SIL1: variants seen among roughly 807,000 people sequenced by gnomAD.
SIL1 encodes nucleotide exchange factor SIL1.
SIL1 carries 40 observed loss-of-function variants against 49.1 expected under a neutral mutation model. The ratio of observed to expected loss-of-function variants is 0.81; its 90% CI spans 0.63 to 1.06. The LOEUF is 1.06. SIL1 is among the 50% of genes least tolerant of loss of function. SIL1 has a pLI of 0.00. For synonymous variants in SIL1, 253 were observed against 250.8 expected, an observed-to-expected ratio of 1.01 and a Z score of -0.08; for missense variants, 500 against 572.6, an observed-to-expected ratio of 0.87 and a Z score of 1.29.
intron 7 of SIL1, among the ~76,000 whole-genome samples, chr5:138,998,851 CCTTT>C (rs1767928204): frequency 7.7e-6 from 1 of 129,088 alleles, no homozygotes; most frequent in African/African-American, 3.2e-5. Flanking sequence ...GATTATCTTT[CCTTT>C]TTTTTTTTTT....
At chr5:139,147,228 C>T (rs1000711691) in intron 1 of SIL1, among the ~76,000 whole-genome samples, 2 of 152,120 alleles carry the variant, frequency 1.3e-5, no homozygotes, top group African/African-American at 2.4e-5. Context: ...AAGGGGTTTC[C>T]AACCACTCCA....
chr5:139,006,580 GTT>G (rs1276734642), intron 7 of SIL1, among the ~76,000 whole-genome samples: 1 of 151,280 alleles, frequency 6.6e-6, no homozygotes, highest in African/African-American at 2.4e-5. Context: ...GGTTTTTATG[GTT>G]TTAGGTCTAA....
chr5:139,134,721 G>A (rs940266811), intron 1 of SIL1, among the ~76,000 whole-genome samples: 1 of 152,182 alleles, frequency 6.6e-6, no homozygotes, highest in Non-Finnish European at 1.5e-5. Flanking sequence ...GCTTTTCCTA[G>A]CATATTGGCA....
chr5:139,109,887 T>C (rs889496563), intron 3 of SIL1, among the ~76,000 whole-genome samples: 2 of 151,506 alleles, frequency 1.3e-5, no homozygotes. Flanking sequence ...CCTGAATGAC[T>C]TGGCCAGGCA....
chr5:139,053,901 T>A (rs1769347160), intron 3 of SIL1, among the ~76,000 whole-genome samples: 1 of 152,248 alleles, frequency 6.6e-6, no homozygotes, highest in Non-Finnish European at 1.5e-5. Flanking sequence ...ACATTAGTTT[T>A]TTTATTTATG....
chr5:139,195,604 G>A (rs1011303271), intron 1 of SIL1, among the ~76,000 whole-genome samples: 4 of 151,770 alleles, frequency 2.6e-5, no homozygotes, highest in Non-Finnish European at 4.4e-5. Flanking sequence ...AGCCAGGATG[G>A]TCTCGATCTC....
chr5:138,975,156 A>C (rs990379058), intron 7 of SIL1, among the ~76,000 whole-genome samples: 2 of 152,326 alleles, frequency 1.3e-5, no homozygotes, highest in African/African-American at 4.8e-5. Flanking sequence ...TTTCAAGGTA[A>C]GAAAAATGGC....
At chr5:139,190,365 C>T (rs769947862) in intron 1 of SIL1, among the ~76,000 whole-genome samples, 3 of 152,138 alleles carry the variant, frequency 2.0e-5, no homozygotes, top group Non-Finnish European at 4.4e-5. Flanking sequence ...AAACACATTT[C>T]GACATGAGTA....
intron 1 of SIL1, among the ~76,000 whole-genome samples, chr5:139,195,551 G>C (rs1249172463): frequency 1.1e-4 from 16 of 152,032 alleles, no homozygotes; most frequent in East Asian, 7.8e-4. Context: ...CCTCGCCCGG[G>C]TAATTTTTTG....
rs190102313 is a variant in SIL1 at position 138,964,276 on chromosome 5, C to T, written c.768-12392G>A. Among the ~76,000 whole-genome samples the T allele has an allele frequency of 3.8e-4, 58 of 152,274 alleles. 2 individuals carry two copies. The highest frequency in any genetic ancestry group is 7.4e-5 in the Non-Finnish European group (5 of 68,018). On this transcript the variant is annotated intron_variant, in intron 7 of 9. Transcript: ENST00000394817. ...TCAGTTAAGAATACCAGGGCTAGAG[C>T]AAAGAACGAACATAGTTCCTGTCTC...
chr5:138,996,560 G>A (rs534566283), intron 7 of SIL1, among the ~76,000 whole-genome samples: 35 of 126,278 alleles, frequency 2.8e-4, no homozygotes, highest in African/African-American at 8.2e-4. Context: ...TCACTCTGTC[G>A]CCAGGCTGGA....
intron 2 of SIL1, among the ~76,000 whole-genome samples, chr5:139,126,535 G>A (rs1750756909): frequency 1.3e-5 from 2 of 152,138 alleles, no homozygotes; most frequent in African/African-American, 4.8e-5. Flanking sequence ...GCCAACCCAT[G>A]CCAGAGACAG....
At chr5:138,985,288 T>A (rs560882223) in intron 7 of SIL1, among the ~76,000 whole-genome samples, 1 of 152,266 alleles carries the variant, frequency 6.6e-6, no homozygotes, top group East Asian at 1.9e-4. Flanking sequence ...TAGGGATGAG[T>A]GAGATCCCTT....
intron 7 of SIL1, among the ~76,000 whole-genome samples, chr5:139,010,233 C>T (rs957975944): frequency 6.7e-6 from 1 of 149,432 alleles, no homozygotes; most frequent in African/African-American, 2.5e-5. Context: ...TTACTGATAC[C>T]CTTTCTTCCA....
intron 1 of SIL1, among the ~76,000 whole-genome samples, chr5:139,190,834 C>T (rs1752154036): frequency 6.6e-6 from 1 of 152,168 alleles, no homozygotes; most frequent in Non-Finnish European, 1.5e-5. Context: ...AAAACACAAT[C>T]ATTTTAGACT....
chr5:138,979,191 A>T (rs1273029142), intron 7 of SIL1, among the ~76,000 whole-genome samples: 1 of 151,866 alleles, frequency 6.6e-6, no homozygotes, highest in Non-Finnish European at 1.5e-5. Flanking sequence ...CAGCCTCTCA[A>T]GTAGCTGGGA....
rs141866133 is a variant in SIL1 at position 139,011,799 on chromosome 5, T to C, written c.767+9372A>G. 4.3e-3 allele frequency among the ~76,000 whole-genome samples: 655 copies of C among 152,288 alleles called. 4 individuals are homozygous for C. Among genetic ancestry groups the C allele is most frequent in the Non-Finnish European group, 5.4e-3 (369 of 68,024 alleles). The stretch of plus-strand genomic sequence containing the variant: ...TGGATGTGAGTTCCTCCAAAGAGGA[T>C]TTGTTTCTGCATCTACCAGTAACCC... On this transcript the variant is annotated intron_variant, in intron 7 of 9. Transcript: ENST00000394817.
chr5:139,013,531 T>G (rs1295828701), intron 7 of SIL1: 2 of 152,278 alleles, frequency 1.3e-5, no homozygotes, highest in East Asian at 3.9e-4. Flanking sequence ...TCTCTTAGGA[T>G]TTGAGCTTTC....
chr5:138,954,379 A>G (rs1346178378), intron 7 of SIL1, among the ~76,000 whole-genome samples: 6 of 152,372 alleles, frequency 3.9e-5, no homozygotes, highest in African/African-American at 1.2e-4. Context: ...CCCTGGGCCC[A>G]TGCCCTGCCT....
Sources: gnomAD v4.1 joint callset for allele counts (sites outside exome capture counted in the v4.1 genomes callset) on GRCh38, gnomAD v4.1.1 for gene constraint, MANE v1.5 for transcripts, NCBI Gene and HGNC (gene_info 2026-07-23, HGNC 2026-07-21) for gene names.